The following TTN variants were observed in gnomAD, a reference collection of about 807,000 sequenced individuals.
TTN encodes titin, also known as connectin.
In TTN, 1,525 loss-of-function variants were observed where a neutral mutation model predicts 3,223.0. The observed-to-expected ratio is 0.47, with a 90% CI of 0.45 to 0.49. The LOEUF (loss-of-function observed/expected upper bound fraction) is 0.49. TTN is among the 20% of genes least tolerant of loss of function. TTN has a pLI of 0.00. For missense variants in TTN, 40,786 were observed against 43,424.0 expected (o/e 0.94, Z 5.40); for synonymous variants, 14,094 against 15,161.0 (o/e 0.93, Z 5.17).
Position 178,701,556 on chromosome 2 carries a change from G to A in TTN, c.30570C>T (p.Thr10190=), listed in dbSNP as rs531598218. 16 of 1,613,564 alleles carry A rather than the reference G, an allele frequency of 9.9e-6. No individual in the cohort carries two copies. In the Middle Eastern group the frequency reaches 4.9e-4, roughly 50 times the overall value. The change falls in exon 110 of 363, where the codon ACC becomes ACT. Residue 10190 remains threonine, a synonymous_variant. Coordinates refer to ENST00000589042, the MANE Select transcript of TTN (RefSeq NM_001267550.2). The part of the protein sequence containing the change: ...DIPDSRVPIP[T]MPIRAVPPEE... ...CTGGTGGCACTGCTCTGATAGGCATGGTTGGGATTGGAACTCTGGAGTCAG... is the reference window on the plus strand; with the variant it reads ...CTGGTGGCACTGCTCTGATAGGCATAGTTGGGATTGGAACTCTGGAGTCAG...
Position 178,625,730 on chromosome 2 carries a change from C to A in TTN, c.44425-334G>T, listed in dbSNP as rs2058941767. Among the ~76,000 whole-genome samples, 2 of 151,954 alleles carry A rather than the reference C, an allele frequency of 1.3e-5. 1 individual carries two copies. The highest frequency in any genetic ancestry group is 4.1e-4 in the South Asian group (2 of 4,832). On this transcript the variant is annotated intron_variant, in intron 240 of 362. Transcript: ENST00000589042. ...TATAAATCATGCTGCTGTAAAGACA[C>A]ATGCACACGTATGTTTATTGTGGCA...
chr2:178,567,582 C>T lies in TTN; in HGVS notation c.78550G>A (p.Ala26184Thr), dbSNP rs1193775017. Residue 26184 changes from alanine (A) to threonine (T), a missense_variant, in exon 326 of 363, where the codon GCC becomes ACC. Coordinates refer to ENST00000589042, the MANE Select transcript of TTN (RefSeq NM_001267550.2). ...CTTGGGAGTTCAACCTCATCCTTGG[C>T]AGTTATTGGTCCAGTACTGTCAGAG... ...KPSDSTGPIT[A>T]KDEVELPRIS... 1.2e-6 allele frequency: 2 copies of T among 1,609,334 alleles called. No homozygotes were observed. Among genetic ancestry groups the T allele is most frequent in the Non-Finnish European group, 1.7e-6 (2 of 1,177,164 alleles).
chr2:178,599,018 G>A lies in TTN; in HGVS notation c.56692C>T (p.Arg18898Cys), dbSNP rs893885472. The A allele has an allele frequency of 6.9e-6, 11 of 1,597,580 alleles. No individual in the cohort carries two copies. The highest frequency in any genetic ancestry group is 2.3e-5 in the East Asian group (1 of 44,270). ...TCCCAGTTGACAGTCATGGAGTTAC[G>A]AGTCACGCTGCTAACTGTTGGTTTA... ...PDKPTVSSVT[R>C]NSMTVNWEEP... Residue 18898 changes from arginine (R) to cysteine (C), a missense_variant, in exon 291 of 363, where the codon CGT (arginine) becomes TGT (cysteine). By Grantham distance (180) the Arg-to-Cys change is radical (BLOSUM62 -3). Coordinates refer to ENST00000589042, the MANE Select transcript of TTN (RefSeq NM_001267550.2).
In TTN at chr2:178,795,242, G is replaced by C; in HGVS notation, c.925C>G (p.Pro309Ala). The stretch of plus-strand genomic sequence containing the variant: ...GGGGATGTGGAGATTCTTGCTGCTG[G>C]AGACACGGACCTGAAAACCAAAAGG... ...PTPSPVRSVS[P>A]AARISTSPIR... Residue 309 changes from proline (P) to alanine (A), a missense_variant, in exon 7 of 363, where the codon CCA (proline) becomes GCA (alanine). Physicochemically the swap from Pro to Ala is conservative, Grantham distance 27. Coordinates refer to ENST00000589042, the MANE Select transcript of TTN (RefSeq NM_001267550.2). The C allele has an allele frequency of 1.2e-6, 2 of 1,614,132 alleles. No homozygotes were observed. Among genetic ancestry groups the C allele is most frequent in the Non-Finnish European group, 1.7e-6 (2 of 1,180,012 alleles).
At chr2:178,687,770 C>T (rs1435193478) in intron 127 of TTN, among the ~76,000 whole-genome samples, 15 of 152,170 alleles carry the variant, frequency 9.9e-5, no homozygotes, top group Non-Finnish European at 8.8e-5. Flanking sequence ...TAAGGTAAAG[C>T]TTATGCCAGC....
chr2:178,799,837 G>C lies in TTN; in HGVS notation c.657C>G (p.Thr219=), dbSNP rs979222061. Residue 219 remains threonine, a synonymous_variant, in exon 5 of 363, where the codon ACC becomes ACG. Transcript: ENST00000589042. ...STAQISESRQ[T]RIEKKIEAHF... is the part of the protein sequence containing the mutation. ...TATAGAAAAATACCTTTTCAATTCG[G>C]GTTTGTCTTGATTCTGAGATCTGAG... The C allele has an allele frequency of 1.2e-6, 2 of 1,614,116 alleles. No homozygotes were observed. The highest frequency in any genetic ancestry group is 3.3e-5 in the Admixed American group (2 of 60,018).
chr2:178,605,436 A>T lies in TTN; in HGVS notation c.53859T>A (p.Asn17953Lys), dbSNP rs769210939. 3.7e-6 allele frequency: 6 copies of T among 1,606,412 alleles called. No homozygotes were observed. In the East Asian group the frequency reaches 1.3e-4, roughly 36 times the overall value. ...IGESEPSLPL[N>K]VVIQDDEVPP... ...CACCTTCATCATCTTGTATGACTAC[A>T]TTAAGAGGTAGGGATGGTTCACTTT... Residue 17953 changes from asparagine (N) to lysine (K), a missense_variant, in exon 279 of 363, where the codon AAT becomes AAA. By Grantham distance (94) the Asn-to-Lys change is moderately conservative. Transcript: ENST00000589042.
intron 154 of TTN, 68 bp from the exon 155 acceptor site, chr2:178,672,335 T>G: frequency 3.1e-6 from 5 of 1,600,750 alleles, no homozygotes; most frequent in Admixed American, 3.4e-5. Flanking sequence ...ACATTCAAAA[T>G]ATATATTTTT....
chr2:178,557,500 G>A lies in TTN; in HGVS notation c.87762C>T (p.Ile29254=), dbSNP rs1701959983. ...ACACTGGTTCATGCCAGCCCACAGT[G>A]ATGCTTTCTCGAGTAACATTAGTGA... ...PWVTNVTRES[I]TVGWHEPVSN... Residue 29254 remains isoleucine, a synonymous_variant, in exon 329 of 363, where the codon ATC becomes ATT. Transcript: ENST00000589042. 2 of 1,613,930 alleles carry A rather than the reference G, an allele frequency of 1.2e-6. No homozygotes were observed. Among genetic ancestry groups the A allele is most frequent in the South Asian group, 1.1e-5 (1 of 91,086 alleles).
chr2:178,658,156 C>T lies in TTN; in HGVS notation c.37713G>A (p.Val12571=). 1 of 1,572,474 alleles carries T rather than the reference C, an allele frequency of 6.4e-7. No individual in the cohort carries two copies. ...IKKPEAPAVT[V]PEVPQEAAEK... is the part of the protein sequence containing the mutation. ...CTGCGGCTTCTTGAGGAACTTCTGG[C>T]ACTTGAAAGATATTAGTAGTTTTAT... The change falls in exon 186 of 363, where the codon GTG becomes GTA. Residue 12571 remains valine, a splice_region_variant and synonymous_variant. Coordinates refer to ENST00000589042, the MANE Select transcript of TTN (RefSeq NM_001267550.2).
Position 178,732,698 on chromosome 2 carries a change from T to C in TTN, c.16363A>G (p.Lys5455Glu). 2 of 1,597,396 alleles carry C rather than the reference T, an allele frequency of 1.3e-6. No homozygotes were observed. Residue 5455 changes from lysine (K) to glutamate (E), a missense_variant, in exon 56 of 363, where the codon AAA becomes GAA. By Grantham distance (56) the Lys-to-Glu change is moderately conservative. Transcript: ENST00000589042. ...GGCAGAACATCCTTTGAGCCGGGTT[T>C]AGTTACAAAACTGGGTGGTTCTGAA... ...IVQEPPSFVT[K>E]PGSKDVLPGS...
At position 178,563,581 on chromosome 2, in the gene TTN, G is replaced by C. The variant is rs373634657; in HGVS notation, c.82551C>G (p.Thr27517=). ...CCGTTAATGTTTTCTTGTTGCACTT[G>C]GTCCATCTAACGCCTTCCTTATCTC... ...EKRDKEGVRW[T]KCNKKTLTDL... The change falls in exon 326 of 363, where the codon ACC becomes ACG. Residue 27517 remains threonine, a synonymous_variant. Transcript: ENST00000589042. This position sits in a 1 kb window ranked among gnomAD's most constrained non-coding sequence, Gnocchi z 4.5. 1.1e-5 allele frequency: 17 copies of C among 1,613,636 alleles called. No homozygotes were observed. The highest frequency in any genetic ancestry group is 2.7e-5 in the African/African-American group (2 of 74,880).
intron 18 of TTN, 30 bp downstream of exon 18, chr2:178,782,776 C>A (rs538803040): frequency 6.2e-7 from 1 of 1,611,956 alleles, no homozygotes; most frequent in Non-Finnish European, 8.5e-7. Flanking sequence ...ATGGCATGTG[C>A]ATTAGGACTG....
At position 178,549,748 on chromosome 2, in the gene TTN, T is replaced by G. The variant is rs1240970665; in HGVS notation, c.91974A>C (p.Glu30658Asp). ...AGGCAAGTCTGCTGGTTTCCCGTTT[T>G]TCAATGATGTAGTGGGTTATGGGAG... ...GCAPITHYII[E>D]KRETSRLAWA... is the part of the protein sequence containing the mutation. Residue 30658 changes from glutamate (E) to aspartate (D), a missense_variant, in exon 338 of 363, where the codon GAA (glutamate) becomes GAC (aspartate). Transcript: ENST00000589042. 1 of 1,613,790 alleles carries G rather than the reference T, an allele frequency of 6.2e-7. No individual in the cohort carries two copies. Among genetic ancestry groups the G allele is most frequent in the South Asian group, 1.1e-5 (1 of 91,068 alleles).
rs1202810905 is a variant in TTN, at chr2:178,599,726, C to T, written c.56175G>A (p.Lys18725=). The part of the protein sequence containing the change: ...TLTWFKAPPK[K]PDNKEPVLYD... ...AGAGAACAGGTTCTTTGTTATCAGG[C>T]TTCTTTGGAGGAGCTTTAAACCAGG... The change falls in exon 289 of 363, where the codon AAG becomes AAA. Residue 18725 remains lysine (K), a synonymous_variant. Transcript: ENST00000589042. The T allele has an allele frequency of 6.2e-7, 1 of 1,612,940 alleles. No homozygotes were observed.
In TTN at chr2:178,570,150, G is replaced by T. The variant is rs201776072; in HGVS notation, c.75982C>A (p.Pro25328Thr). ...ATTTCACTACCACCATCAGATGCTG[G>T]TCTTTCCCATACAACAATCATTGAG... is the stretch of plus-strand genomic sequence containing the variant. Reference protein sequence around the residue: ...KDSMIVVWERPASDGGSEILG... With the variant: ...KDSMIVVWERTASDGGSEILG... Residue 25328 changes from proline (P) to threonine (T), a missense_variant, in exon 326 of 363, where the codon CCA (proline) becomes ACA (threonine). Coordinates refer to ENST00000589042, the MANE Select transcript of TTN (RefSeq NM_001267550.2). 22 of 1,613,322 alleles carry T rather than the reference G, an allele frequency of 1.4e-5. No individual in the cohort carries two copies. In the Admixed American group the frequency reaches 3.5e-4, roughly 26 times the overall value.
At chr2:178,643,921 A>C (rs1474134449) in intron 218 of TTN, among the ~76,000 whole-genome samples, 1 of 151,972 alleles carries the variant, frequency 6.6e-6, no homozygotes, top group East Asian at 1.9e-4. Context: ...GACTCTTATA[A>C]TTCATTTAGT....
In TTN at chr2:178,634,939, A is replaced by C. The variant is rs2060247779; in HGVS notation, c.42025-90T>G. The C allele has an allele frequency of 1.4e-6, 2 of 1,451,716 alleles. No homozygotes were observed. The highest frequency in any genetic ancestry group is 2.3e-4 in the Middle Eastern group (1 of 4,372). 89.9% of individuals were successfully genotyped at this position (1,451,716 alleles called of 1,614,324 possible). A position where few individuals can be genotyped will look rare whatever the true frequency, so the allele number is the denominator to read the frequency against. ...GATACAAATTTCTATAGAGTTTTAA[A>C]AATTACTACTAATAAAAGTAAGCAG... On this transcript the variant is annotated intron_variant, in intron 228 of 362. Coordinates refer to ENST00000589042, the MANE Select transcript of TTN (RefSeq NM_001267550.2). This position sits in a 1 kb window ranked among gnomAD's most constrained non-coding sequence, Gnocchi z 4.6.
At position 178,734,776 on chromosome 2, in the gene TTN, C is replaced by T; in HGVS notation, c.15148G>A (p.Gly5050Arg). 6.2e-7 allele frequency: 1 copy of T among 1,613,852 alleles called. No individual in the cohort carries two copies. The highest frequency in any genetic ancestry group is 8.5e-7 in the Non-Finnish European group (1 of 1,179,784). Residue 5050 changes from glycine (G) to arginine (R), a missense_variant, in exon 51 of 363, where the codon GGG (glycine) becomes AGG (arginine). By Grantham distance (125) the Gly-to-Arg change is moderately radical (BLOSUM62 -2). Coordinates refer to ENST00000589042, the MANE Select transcript of TTN (RefSeq NM_001267550.2). ...DITDVKVEDS[G>R]SYSCEAVNDV... Reference sequence around the variant, plus strand: ...TTCACTGCTTCACATGAGTAACTCCCACTGTCTTCAACTTTTACATCCGTA... The same window carrying T: ...TTCACTGCTTCACATGAGTAACTCCTACTGTCTTCAACTTTTACATCCGTA...
Sources: allele counts gnomAD v4.1 joint callset (sites outside exome capture counted in the v4.1 genomes callset), GRCh38; gene constraint gnomAD v4.1.1; non-coding constraint Gnocchi (gnomAD v3.1); transcripts MANE v1.5; gene names NCBI Gene and HGNC (gene_info 2026-07-23, HGNC 2026-07-21).